The following SLC4A4 variants were observed in gnomAD, a reference collection of about 807,000 sequenced individuals.
SLC4A4 encodes solute carrier family 4 member 4, also known as electrogenic sodium bicarbonate cotransporter 1.
SLC4A4 carries 27 observed loss-of-function variants against 111.5 expected under a neutral mutation model. The observed-to-expected ratio is 0.24, with a 90% CI of 0.18 to 0.33. SLC4A4 has a LOEUF of 0.33. SLC4A4 is among the 10% of genes least tolerant of loss of function. The pLI is 1.00. For missense variants in SLC4A4, 909 were observed against 1,315.5 expected, an observed-to-expected ratio of 0.69 and a Z score of 4.78; for synonymous variants, 443 against 463.4, an observed-to-expected ratio of 0.96 and a Z score of 0.57.
chr4:71,097,448 A>G (rs1046711070), intron 2 of SLC4A4, among the ~76,000 whole-genome samples: 37 of 152,042 alleles, frequency 2.4e-4, no homozygotes, highest in African/African-American at 8.7e-4. Context: ...GGTTGATTCT[A>G]TGTCTTTGCT....
At chr4:71,145,867 T>C (rs1744150373) in intron 2 of SLC4A4, among the ~76,000 whole-genome samples, 1 of 152,234 alleles carries the variant, frequency 6.6e-6, no homozygotes, top group Non-Finnish European at 1.5e-5. Context: ...GCTAGCGGTC[T>C]ATCAATTTTG....
At chr4:71,342,041 G>A (rs990027150) in intron 4 of SLC4A4, among the ~76,000 whole-genome samples, 1 of 152,114 alleles carries the variant, frequency 6.6e-6, no homozygotes, top group African/African-American at 2.4e-5. Flanking sequence ...GGGTGTGATT[G>A]TTTAACTCTT....
chr4:71,289,349 T>C (rs1229214334), intron 3 of SLC4A4, among the ~76,000 whole-genome samples: 1 of 152,236 alleles, frequency 6.6e-6, no homozygotes, highest in East Asian at 1.9e-4. Context: ...TATAGAATTA[T>C]GACATTGTCC....
intron 2 of SLC4A4, among the ~76,000 whole-genome samples, chr4:71,156,588 G>GCGCGCGCGCACACACA (rs376043069): frequency 1.4e-5 from 2 of 138,508 alleles, no homozygotes; most frequent in Non-Finnish European, 3.1e-5. Context: ...GCGCGCGCGC[G>GCGCGCGCGCACACACA]CACACACACA....
At chr4:71,345,305 A>T (rs1430599781) in intron 4 of SLC4A4, among the ~76,000 whole-genome samples, 1 of 152,096 alleles carries the variant, frequency 6.6e-6, no homozygotes, top group Non-Finnish European at 1.5e-5. Context: ...GGAGAAAGGG[A>T]CTTTTTTTTT....
chr4:71,419,572 G>A (rs959089538), intron 7 of SLC4A4, among the ~76,000 whole-genome samples: 3 of 152,208 alleles, frequency 2.0e-5, no homozygotes, highest in African/African-American at 7.2e-5. Context: ...GAGTGGGAGT[G>A]ACCCGATTTT....
chr4:71,410,322 A>G (rs559556831), intron 7 of SLC4A4, among the ~76,000 whole-genome samples: 76 of 152,174 alleles, frequency 5.0e-4, no homozygotes, highest in Admixed American at 9.2e-4. Flanking sequence ...GGGAGAATGT[A>G]CTCTGCAAAG....
chr4:71,439,224 C>T (rs1014932696), intron 7 of SLC4A4, among the ~76,000 whole-genome samples: 8 of 151,148 alleles, frequency 5.3e-5, no homozygotes, highest in Admixed American at 6.6e-5. Flanking sequence ...GTCAGGAGTT[C>T]GAGACCAGCC....
intron 3 of SLC4A4, among the ~76,000 whole-genome samples, chr4:71,267,826 A>T (rs992575913): frequency 6.7e-5 from 10 of 148,838 alleles, no homozygotes; most frequent in African/African-American, 2.2e-4. Context: ...AAAGAAAACG[A>T]AACGTACCAA....
intron 6 of SLC4A4, among the ~76,000 whole-genome samples, chr4:71,376,896 C>T (rs1732457837): frequency 1.3e-5 from 2 of 152,072 alleles, no homozygotes. Flanking sequence ...CTCAGCCTCC[C>T]AAAGTCCTGG....
intron 3 of SLC4A4, among the ~76,000 whole-genome samples, chr4:71,281,642 A>C (rs1723524762): frequency 6.6e-6 from 1 of 152,212 alleles, no homozygotes; most frequent in African/African-American, 2.4e-5. Flanking sequence ...GAGAAGTGAT[A>C]ATTGAAGTTT....
intron 2 of SLC4A4, among the ~76,000 whole-genome samples, chr4:71,146,504 G>T (rs1578523012): frequency 6.6e-6 from 1 of 152,160 alleles, no homozygotes; most frequent in Non-Finnish European, 1.5e-5. Context: ...GGATATCCTT[G>T]TTAACTTTCT....
chr4:71,331,464 A>G (rs1458562574), intron 3 of SLC4A4, among the ~76,000 whole-genome samples: 1 of 152,068 alleles, frequency 6.6e-6, no homozygotes, highest in Non-Finnish European at 1.5e-5. Flanking sequence ...CATCATTCTC[A>G]GCAAACTGTT....
intron 2 of SLC4A4, among the ~76,000 whole-genome samples, chr4:71,121,427 T>G (rs4694379): frequency 0.98 from 150,059 of 152,366 alleles, 73,945 homozygotes; most frequent in Non-Finnish European, 1. Flanking sequence ...CAAAGCCAGC[T>G]GGGCTCCTCA....
intron 2 of SLC4A4, among the ~76,000 whole-genome samples, chr4:71,148,033 A>G (rs536311612): frequency 6.6e-6 from 1 of 152,258 alleles, no homozygotes; most frequent in Non-Finnish European, 1.5e-5. Flanking sequence ...TAGATTCACA[A>G]ACTTATTTCA....
In SLC4A4 at chr4:71,394,030, T is replaced by G. The variant is rs140851267; in HGVS notation, c.731-3547T>G. Among the ~76,000 whole-genome samples, 1,157 of 152,232 alleles carry G rather than the reference T, an allele frequency of 7.6e-3. 16 individuals carry two copies. Among genetic ancestry groups the G allele is most frequent in the African/African-American group, 0.025 (1,019 of 41,558 alleles). ...AATCAACTCAAGATGGATTAAGGAC[T>G]TAAATCTAAGACCTGCAACTATAAA... is the stretch of plus-strand genomic sequence containing the variant. On this transcript the variant is annotated intron_variant, in intron 6 of 25. Coordinates refer to ENST00000264485, the MANE Select transcript of SLC4A4 (RefSeq NM_001098484.3).
At chr4:71,526,179 A>C (rs4146676) in intron 16 of SLC4A4, among the ~76,000 whole-genome samples, 90,069 of 151,880 alleles carry the variant, frequency 0.59, 29,088 homozygotes, top group Non-Finnish European at 0.74. Context: ...GGGGATTTAG[A>C]GTTGAATATA....
At chr4:71,216,862 G>A (rs111729904) in intron 1 of SLC4A4, among the ~76,000 whole-genome samples, 11 of 152,296 alleles carry the variant, frequency 7.2e-5, no homozygotes, top group African/African-American at 2.4e-4. Context: ...TACTAGCTAC[G>A]TGCCTTGTCT....
At chr4:71,544,567 G>A (rs556608969) in intron 18 of SLC4A4, among the ~76,000 whole-genome samples, 3 of 151,974 alleles carry the variant, frequency 2.0e-5, no homozygotes, top group Non-Finnish European at 2.9e-5. Flanking sequence ...GAACCCAACC[G>A]CTTCTTACCA....
Sources: gnomAD v4.1 joint callset for allele counts (sites outside exome capture counted in the v4.1 genomes callset) on GRCh38, gnomAD v4.1.1 for gene constraint, MANE v1.5 for transcripts, NCBI Gene and HGNC (gene_info 2026-07-23, HGNC 2026-07-21) for gene names.